P4HA2: variants seen among roughly 807,000 people sequenced by gnomAD.
The protein encoded by P4HA2 is prolyl 4-hydroxylase subunit alpha-2.
P4HA2 carries 46 observed loss-of-function variants against 76.9 expected under a neutral mutation model. That is an observed-to-expected ratio of 0.60 (90% confidence interval 0.47 to 0.76). P4HA2 has a LOEUF of 0.76. Among genes scored for constraint, P4HA2 ranks in the 30% least tolerant of loss-of-function variants. The pLI is 0.00. For synonymous variants in P4HA2, 243 were observed against 254.0 expected (o/e 0.96, Z 0.41); for missense variants, 583 against 669.4 (o/e 0.87, Z 1.42).
intron 1 of P4HA2, among the ~76,000 whole-genome samples, chr5:132,224,264 G>C (rs564062112): frequency 6.6e-6 from 1 of 152,208 alleles, no homozygotes; most frequent in Non-Finnish European, 1.5e-5. Context: ...ACCACTTCCC[G>C]GCTTTGTGAC....
At chr5:132,222,475 C>G (rs1288424515) in intron 1 of P4HA2, among the ~76,000 whole-genome samples, 1 of 152,206 alleles carries the variant, frequency 6.6e-6, no homozygotes, top group Non-Finnish European at 1.5e-5. Context: ...CTACACTGGC[C>G]TCTCCACATG....
At chr5:132,203,471 A>C in intron 10 of P4HA2, 1 of 431,960 alleles carries the variant, frequency 2.3e-6, no homozygotes, top group Middle Eastern at 6.6e-4. Flanking sequence ...TGTTGTCAAG[A>C]AGACATGAAC....
intron 10 of P4HA2, chr5:132,200,095 AG>A (rs1411682183): frequency 6.6e-6 from 1 of 152,544 alleles, no homozygotes; most frequent in Admixed American, 6.5e-5. Context: ...CCAGCTACTC[AG>A]GAAGCTGAGG....
In P4HA2 at chr5:132,195,032, A is replaced by C. The variant is rs769022848; in HGVS notation, c.1435-10T>G. 4.4e-6 allele frequency: 7 copies of C among 1,578,168 alleles called. No individual in the cohort carries two copies. The African/African-American group carries it at 9.4e-5, about 21-fold the overall frequency. On this transcript the variant is annotated splice_polypyrimidine_tract_variant and intron_variant, in intron 13 of 14. Transcript: ENST00000360568. The stretch of plus-strand genomic sequence containing the variant: ...AGAACACAGCTGTACCCTGGGAAAG[A>C]GATGGCCTTTCAGAACACATTCTTA...
At chr5:132,198,203 C>CA in intron 12 of P4HA2, 118 bp downstream of exon 12, 1 of 1,614,162 alleles carries the variant, frequency 6.2e-7, no homozygotes. Flanking sequence ...ACATCATACT[C>CA]ACGTAGTTTA....
intron 8 of P4HA2, among the ~76,000 whole-genome samples, chr5:132,206,463 C>T (rs1017015484): frequency 6.6e-6 from 1 of 152,154 alleles, no homozygotes; most frequent in African/African-American, 2.4e-5. Context: ...TCAGGTCTCT[C>T]CATGAGTGTC....
intron 14 of P4HA2, among the ~76,000 whole-genome samples, chr5:132,194,513 A>G (rs1219054136): frequency 6.6e-6 from 1 of 151,966 alleles, no homozygotes; most frequent in African/African-American, 2.4e-5. Context: ...CCTTTCTTCA[A>G]GTGACAAGGG....
chr5:132,211,539 C>CG (rs1157016144), intron 5 of P4HA2, among the ~76,000 whole-genome samples: 1 of 152,196 alleles, frequency 6.6e-6, no homozygotes, highest in Non-Finnish European at 1.5e-5. Flanking sequence ...CTGCTAACCC[C>CG]GGTGGCTCAG....
chr5:132,201,472 G>T (rs984310488), intron 10 of P4HA2: 1 of 152,190 alleles, frequency 6.6e-6, no homozygotes, highest in Non-Finnish European at 1.5e-5. Flanking sequence ...CATACCACAA[G>T]CATTTCATAT....
rs1451248412 is a variant in P4HA2, at chr5:132,196,584, G to A, written c.1366-1104C>T. On this transcript the variant is annotated intron_variant, in intron 12 of 14. Coordinates refer to ENST00000360568, the MANE Select transcript of P4HA2 (RefSeq NM_001017974.2). ...AATAATCTCTCTGATGTTTAGGCTG[G>A]GCATGGTGGCTCACGCCTGTAATGC... Among the ~76,000 whole-genome samples the A allele has an allele frequency of 3.9e-5, 6 of 152,286 alleles. No homozygotes were observed. The South Asian group carries it at 1.2e-3, about 32-fold the overall frequency.
In P4HA2 at chr5:132,191,511, C is replaced by G. The variant is rs909850345; in HGVS notation, c.*1499G>C. Among the ~76,000 whole-genome samples, 1 of 49,124 alleles carries G rather than the reference C, an allele frequency of 2.0e-5. No homozygotes were observed. Among genetic ancestry groups the G allele is most frequent in the Non-Finnish European group, 4.6e-5 (1 of 21,654 alleles). 32.2% of individuals were successfully genotyped at this position (49,124 alleles called of 152,430 possible). A position where few individuals can be genotyped will look rare whatever the true frequency, so the allele number is the denominator to read the frequency against. On this transcript the variant is annotated 3_prime_UTR_variant, in exon 15 of 15. Transcript: ENST00000360568. Reference sequence around the variant, plus strand: ...TGGGCGACAGAGCGAGACTCCGTCTCAAAAAAAAAAAAAAAAAAAAAGATT... The same window carrying G: ...TGGGCGACAGAGCGAGACTCCGTCTGAAAAAAAAAAAAAAAAAAAAAGATT...
At chr5:132,225,706 A>G (rs915639763) in intron 1 of P4HA2, among the ~76,000 whole-genome samples, 32 of 152,234 alleles carry the variant, frequency 2.1e-4, no homozygotes, top group African/African-American at 7.5e-4. Flanking sequence ...GAAGGCACTC[A>G]AGGGATGAAC....
intron 1 of P4HA2, among the ~76,000 whole-genome samples, chr5:132,219,529 C>A (rs949349115): frequency 3.9e-5 from 6 of 152,130 alleles, no homozygotes; most frequent in African/African-American, 1.2e-4. Context: ...CAGTCCACAA[C>A]AGAAGCCTCC....
chr5:132,218,555 G>A lies in P4HA2; in HGVS notation c.72C>T (p.Phe24=). The change falls in exon 2 of 15, where the codon TTC becomes TTT. Residue 24 remains phenylalanine (F), a synonymous_variant. Transcript: ENST00000360568. ...GVLSCVQAEF[F]TSIGHMTDLI... ...CCTGTTGGCACGTACCAATAGAGGT[G>A]AAGAATTCGGCCTGCACACAGCTCA... is the stretch of plus-strand genomic sequence containing the variant. 1.2e-6 allele frequency: 2 copies of A among 1,612,016 alleles called. No individual in the cohort carries two copies. The highest frequency in any genetic ancestry group is 1.7e-6 in the Non-Finnish European group (2 of 1,178,184).
chr5:132,209,475 C>T (rs156023), intron 6 of P4HA2, 144 bp from the exon 7 acceptor site: 134,238 of 704,820 alleles, frequency 0.19, 13,316 homozygotes, highest in East Asian at 0.3. Context: ...CCAGAGTACG[C>T]TGGTCGTAAC....
chr5:132,216,767 G>A (rs771544070), intron 4 of P4HA2, among the ~76,000 whole-genome samples: 1 of 152,110 alleles, frequency 6.6e-6, no homozygotes, highest in Non-Finnish European at 1.5e-5. Context: ...GCATGCCCTG[G>A]TATGTATGTA....
At chr5:132,210,631 C>G in intron 5 of P4HA2, 108 bp from the exon 6 acceptor site, 1 of 1,071,786 alleles carries the variant, frequency 9.3e-7, no homozygotes, top group Non-Finnish European at 1.4e-6. Flanking sequence ...CATCACCAAG[C>G]AGAACTCCAT....
intron 12 of P4HA2, 145 bp from the exon 13 acceptor site, chr5:132,195,625 A>G (rs1750521297): frequency 1.5e-6 from 1 of 671,952 alleles, no homozygotes. Context: ...CCAGCCCTTT[A>G]GCCAAGAAAG....
At chr5:132,218,450 G>T (rs1488984802) in intron 2 of P4HA2, 95 bp downstream of exon 2, 23 of 829,862 alleles carry the variant, frequency 2.8e-5, no homozygotes, top group Non-Finnish European at 4.6e-5. Flanking sequence ...AGTAGTTAAG[G>T]CTATCCCACT....
Sources: allele counts gnomAD v4.1 joint callset (sites outside exome capture counted in the v4.1 genomes callset), GRCh38; gene constraint gnomAD v4.1.1; transcripts MANE v1.5; gene names NCBI Gene and HGNC (gene_info 2026-07-23, HGNC 2026-07-21).